The following DYSF variants were observed in gnomAD, a reference collection of about 807,000 sequenced individuals.
DYSF encodes the protein dystrophy-associated fer-1-like 1.
DYSF carries 212 observed loss-of-function variants against 274.9 expected under a neutral mutation model. The observed-to-expected ratio is 0.77, with a 90% CI of 0.69 to 0.86. The LOEUF (loss-of-function observed/expected upper bound fraction) is 0.86. DYSF is among the 40% of genes least tolerant of loss of function. DYSF has a pLI of 0.00. For synonymous variants in DYSF, 1,091 were observed against 1,078.7 expected, an observed-to-expected ratio of 1.01 and a Z score of -0.22; for missense variants, 2,666 against 2,783.2, an observed-to-expected ratio of 0.96 and a Z score of 0.95.
intron 43 of DYSF, among the ~76,000 whole-genome samples, chr2:71,658,425 G>A (rs1247147090): frequency 1.3e-5 from 2 of 152,176 alleles, no homozygotes; most frequent in African/African-American, 2.4e-5. Flanking sequence ...TTCCAAAGTC[G>A]CTTCCACATT....
intron 36 of DYSF, among the ~76,000 whole-genome samples, chr2:71,608,685 G>A (rs59941585): frequency 0.034 from 5,217 of 152,214 alleles, 255 homozygotes; most frequent in African/African-American, 0.11. Flanking sequence ...CTGAAGATGC[G>A]GAGCCTGGTC....
At chr2:71,682,187 G>C (rs2095305079) in intron 54 of DYSF, among the ~76,000 whole-genome samples, 1 of 152,072 alleles carries the variant, frequency 6.6e-6, no homozygotes, top group African/African-American at 2.4e-5. Context: ...GCACTGCCCA[G>C]CTCCTAAATC....
At chr2:71,585,993 G>A (rs1173318611) in intron 30 of DYSF, among the ~76,000 whole-genome samples, 3 of 152,188 alleles carry the variant, frequency 2.0e-5, no homozygotes, top group Admixed American at 1.3e-4. Context: ...TCAGAGTGTT[G>A]CAGCTGGTGT....
chr2:71,568,324 G>A lies in DYSF; in HGVS notation c.2850G>A (p.Val950=). The change falls in exon 26 of 56, where the codon GTG becomes GTA. Residue 950 remains valine (V), a synonymous_variant. Transcript: ENST00000410020. ...AGWTWAGDWF[V]CPEKTLLHDM... is the part of the protein sequence containing the mutation. ...GGACCTGGGCTGGAGATTGGTTCGTGTGTCCGGAGAAGACGTGAGTCGTGG... is the reference window on the plus strand; with the variant it reads ...GGACCTGGGCTGGAGATTGGTTCGTATGTCCGGAGAAGACGTGAGTCGTGG... 1 of 1,614,196 alleles carries A rather than the reference G, an allele frequency of 6.2e-7. No individual in the cohort carries two copies. Among genetic ancestry groups the A allele is most frequent in the Non-Finnish European group, 8.5e-7 (1 of 1,180,020 alleles).
intron 52 of DYSF, among the ~76,000 whole-genome samples, chr2:71,674,740 G>T (rs1400527564): frequency 2.6e-5 from 4 of 152,318 alleles, no homozygotes; most frequent in East Asian, 3.9e-4. Flanking sequence ...CCCAGACAGG[G>T]TTCTAGTGGG....
chr2:71,682,469 A>G, intron 54 of DYSF, 61 bp from the exon 55 acceptor site: 1 of 1,611,164 alleles, frequency 6.2e-7, no homozygotes, highest in Middle Eastern at 1.7e-4. Flanking sequence ...TTGAGAGAAG[A>G]GTTTGGAGAA....
chr2:71,496,518 C>T (rs2084411585), intron 3 of DYSF, among the ~76,000 whole-genome samples: 1 of 152,120 alleles, frequency 6.6e-6, no homozygotes, highest in South Asian at 2.1e-4. Flanking sequence ...GCTCTGGGCA[C>T]ACTTACACGT....
At chr2:71,677,923 T>G (rs570842517) in intron 52 of DYSF, among the ~76,000 whole-genome samples, 19 of 152,338 alleles carry the variant, frequency 1.2e-4, no homozygotes, top group African/African-American at 4.1e-4. Context: ...TAATATGAAG[T>G]TAAAAGATGG....
chr2:71,660,430 G>T, intron 44 of DYSF, 130 bp from the exon 45 acceptor site: 5 of 780,280 alleles, frequency 6.4e-6, no homozygotes, highest in Non-Finnish European at 1.1e-5. Flanking sequence ...CCCTGTCTTG[G>T]CAGGACACAG....
At chr2:71,591,842 C>T (rs2093275152) in intron 32 of DYSF, among the ~76,000 whole-genome samples, 1 of 152,246 alleles carries the variant, frequency 6.6e-6, no homozygotes, top group East Asian at 1.9e-4. Context: ...GGCCCATCCT[C>T]CAGCTCTGTG....
chr2:71,623,272 C>A (rs188492765), intron 41 of DYSF, among the ~76,000 whole-genome samples: 2,636 of 151,230 alleles, frequency 0.017, 34 homozygotes, highest in Middle Eastern at 0.055. Context: ...TGCGCTGCAC[C>A]CACTAACTCG....
At chr2:71,589,537 C>T in intron 30 of DYSF, 56 bp from the exon 31 acceptor site, 1 of 1,441,658 alleles carries the variant, frequency 6.9e-7, no homozygotes, top group East Asian at 2.3e-5. Context: ...GGCTAGTCTC[C>T]CTGCCACCCC....
intron 29 of DYSF, chr2:71,571,043 C>T (rs982186346): frequency 3.2e-4 from 128 of 405,684 alleles, no homozygotes; most frequent in African/African-American, 2.3e-3. Flanking sequence ...CAGATTACAC[C>T]CAGCACACAC....
intron 24 of DYSF, among the ~76,000 whole-genome samples, 162 bp downstream of exon 24, chr2:71,564,375 G>A (rs1034778878): frequency 2.0e-5 from 3 of 152,136 alleles, no homozygotes; most frequent in Non-Finnish European, 2.9e-5. Flanking sequence ...CCTTTTCCTC[G>A]GTTACCCCCG....
chr2:71,483,099 C>T (rs1396105241), intron 3 of DYSF, among the ~76,000 whole-genome samples: 1 of 152,128 alleles, frequency 6.6e-6, no homozygotes, highest in Non-Finnish European at 1.5e-5. Context: ...CCAATTGCCA[C>T]CTTCTCTCTG....
rs1008200521 is a variant in DYSF, at chr2:71,662,672, C to T, written c.5004-1596C>T. 8.1e-5 allele frequency among the ~76,000 whole-genome samples: 11 copies of T among 135,838 alleles called. No homozygotes were observed. The South Asian group carries it at 1.9e-3, about 23-fold the overall frequency. 89.1% of individuals were successfully genotyped at this position (135,838 alleles called of 152,430 possible). On this transcript the variant is annotated intron_variant, in intron 45 of 55. Coordinates refer to ENST00000410020, the MANE Select transcript of DYSF (RefSeq NM_001130987.2). ...GTATGTGTCTCTGTGTCCATGTGTCCGTGTATGTGTGTGGTGTGTGTATAT... is the reference window on the plus strand; with the variant it reads ...GTATGTGTCTCTGTGTCCATGTGTCTGTGTATGTGTGTGGTGTGTGTATAT...
intron 40 of DYSF, among the ~76,000 whole-genome samples, chr2:71,613,731 G>A (rs1411260397): frequency 6.6e-6 from 1 of 152,146 alleles, no homozygotes; most frequent in Non-Finnish European, 1.5e-5. Context: ...GAGCAAATGA[G>A]AGAAGGACGA....
intron 17 of DYSF, among the ~76,000 whole-genome samples, chr2:71,550,026 T>C (rs1381262111): frequency 6.6e-6 from 1 of 152,170 alleles, no homozygotes; most frequent in Non-Finnish European, 1.5e-5. Context: ...GGGCAGGGGC[T>C]CGACTCACAG....
intron 41 of DYSF, among the ~76,000 whole-genome samples, chr2:71,642,979 C>T (rs1194705487): frequency 6.6e-6 from 1 of 152,224 alleles, no homozygotes; most frequent in Non-Finnish European, 1.5e-5. Context: ...GAATGAGCTC[C>T]TGAAGCCGTG....
Sources: allele counts gnomAD v4.1 joint callset (sites outside exome capture counted in the v4.1 genomes callset), GRCh38; gene constraint gnomAD v4.1.1; transcripts MANE v1.5; gene names NCBI Gene and HGNC (gene_info 2026-07-23, HGNC 2026-07-21).